OR2L13: variants seen among roughly 807,000 people sequenced by gnomAD.
OR2L13 encodes olfactory receptor 2L13.
In OR2L13, 14 loss-of-function variants were observed where a neutral mutation model predicts 15.3. That is an observed-to-expected ratio of 0.91 (90% confidence interval 0.60 to 1.43). The LOEUF (loss-of-function observed/expected upper bound fraction) is 1.43. Ranked by LOEUF, OR2L13 falls within the 40% of genes most tolerant of loss-of-function variation. The pLI is 0.00. For missense variants in OR2L13, 367 were observed against 387.9 expected (o/e 0.95, Z 0.45); for synonymous variants, 152 against 142.9 (o/e 1.06, Z -0.45).
At chr1:247,961,956 C>G in the OR2L13 span, among the ~76,000 whole-genome samples, 1 of 152,130 alleles carries the variant, frequency 6.6e-6, no homozygotes, top group Non-Finnish European at 1.5e-5. Flanking sequence ...AAGATTAGAA[C>G]AGTTACTGGA....
chr1:247,958,890 T>A, the OR2L13 span, among the ~76,000 whole-genome samples: 2 of 152,228 alleles, frequency 1.3e-5, no homozygotes, highest in African/African-American at 4.8e-5. Context: ...TTTTGACTCT[T>A]TATCCAATGT....
the OR2L13 span, chr1:247,975,725 C>T: frequency 2.1e-5 from 11 of 527,382 alleles, no homozygotes; most frequent in South Asian, 4.2e-5. Context: ...ACAGCAGTTA[C>T]GAAAAATAAT....
chr1:248,037,967 T>G, the OR2L13 span, among the ~76,000 whole-genome samples: 1 of 152,210 alleles, frequency 6.6e-6, no homozygotes, highest in African/African-American at 2.4e-5. Flanking sequence ...TTTTTCAATA[T>G]GATGGTTTGA....
chr1:248,034,989 TAAAC>T, the OR2L13 span, among the ~76,000 whole-genome samples: 4 of 152,060 alleles, frequency 2.6e-5, no homozygotes, highest in Non-Finnish European at 5.9e-5. Flanking sequence ...AGTTATGTCA[TAAAC>T]AAATAAAAAT....
chr1:247,990,783 C>G, the OR2L13 span: 1 of 1,602,992 alleles, frequency 6.2e-7, no homozygotes, highest in African/African-American at 1.3e-5. Context: ...AGTCCAGAGC[C>G]ATCAATCATT....
chr1:248,086,480 C>T, the OR2L13 span, among the ~76,000 whole-genome samples: 1 of 152,104 alleles, frequency 6.6e-6, no homozygotes, highest in Non-Finnish European at 1.5e-5. Flanking sequence ...GACTTTTCAG[C>T]ACATTGTATC....
At chr1:248,018,048 G>A in the OR2L13 span, among the ~76,000 whole-genome samples, 5 of 151,938 alleles carry the variant, frequency 3.3e-5, no homozygotes, top group Non-Finnish European at 7.4e-5. Context: ...CCAGCTACTT[G>A]GGAGGCTGAG....
chr1:247,970,953 C>T, the OR2L13 span, among the ~76,000 whole-genome samples: 1 of 152,106 alleles, frequency 6.6e-6, no homozygotes, highest in Non-Finnish European at 1.5e-5. Flanking sequence ...AATCAATATT[C>T]CAATTTGTTG....
the OR2L13 span, among the ~76,000 whole-genome samples, chr1:247,991,732 G>A: frequency 6.7e-6 from 1 of 149,494 alleles, no homozygotes; most frequent in African/African-American, 2.5e-5. Flanking sequence ...ATAAATCAAC[G>A]GGTCTATTTA....
At chr1:248,088,166 T>A in the OR2L13 span, among the ~76,000 whole-genome samples, 1 of 152,148 alleles carries the variant, frequency 6.6e-6, no homozygotes, top group Non-Finnish European at 1.5e-5. Context: ...AGAACTTTAA[T>A]GTTCAAATCA....
At chr1:247,971,967 A>C in the OR2L13 span, among the ~76,000 whole-genome samples, 26 of 152,320 alleles carry the variant, frequency 1.7e-4, no homozygotes, top group African/African-American at 6.3e-4. Context: ...TAAGGGACTC[A>C]CTCAAAACTG....
the OR2L13 span, chr1:247,966,241 A>T: frequency 6.2e-7 from 1 of 1,613,224 alleles, no homozygotes; most frequent in Non-Finnish European, 8.5e-7. Flanking sequence ...GAACCCATTT[A>T]TCTACAGCCT....
At chr1:248,077,482 T>G in the OR2L13 span, among the ~76,000 whole-genome samples, 3 of 152,230 alleles carry the variant, frequency 2.0e-5, no homozygotes, top group Admixed American at 6.5e-5. Context: ...TGGACTTTTT[T>G]TGGTGTAGGC....
the OR2L13 span, chr1:247,990,796 T>A: frequency 3.8e-5 from 61 of 1,603,006 alleles, 1 homozygote; most frequent in African/African-American, 6.0e-4. Flanking sequence ...CAATCATTTT[T>A]TCTGTGATGT....
the OR2L13 span, among the ~76,000 whole-genome samples, chr1:247,979,258 C>T: frequency 6.6e-6 from 1 of 152,030 alleles, no homozygotes; most frequent in Non-Finnish European, 1.5e-5. Context: ...GTTTGCTGCA[C>T]CCATCAACTT....
At chr1:248,027,665 C>T in the OR2L13 span, among the ~76,000 whole-genome samples, 2 of 152,046 alleles carry the variant, frequency 1.3e-5, no homozygotes, top group Admixed American at 6.6e-5. Context: ...GCTGAATTTC[C>T]CCTGATATAT....
chr1:247,979,066 A>G, the OR2L13 span, among the ~76,000 whole-genome samples: 2 of 152,158 alleles, frequency 1.3e-5, no homozygotes, highest in Non-Finnish European at 2.9e-5. Context: ...CTTTTCCCAC[A>G]TCAAATAAGG....
chr1:248,095,630 G>T (rs1445869829), upstream of OR2L13, among the ~76,000 whole-genome samples: 2 of 736 alleles, frequency 2.7e-3, no homozygotes, highest in South Asian at 0.071. Context: ...TTTTTGAGAT[G>T]GAGTCTCACT....
chr1:248,051,549 T>A, the OR2L13 span, among the ~76,000 whole-genome samples: 1 of 152,076 alleles, frequency 6.6e-6, no homozygotes, highest in East Asian at 1.9e-4. Context: ...CACATGGACA[T>A]AAAGATGGGA....
Sources: allele counts gnomAD v4.1 joint callset (sites outside exome capture counted in the v4.1 genomes callset), GRCh38; gene constraint gnomAD v4.1.1; transcripts MANE v1.5; gene names NCBI Gene and HGNC (gene_info 2026-07-23, HGNC 2026-07-21).